Variants in NETO1 observed in about 807,000 individuals in gnomAD.
NETO1 encodes neuropilin and tolloid-like protein 1.
In NETO1, 26 loss-of-function variants were observed where a neutral mutation model predicts 61.3. The observed-to-expected ratio is 0.42, with a 90% CI of 0.31 to 0.59. NETO1 has a LOEUF of 0.59. Ranked by LOEUF, NETO1 falls within the 20% of genes least tolerant of loss-of-function variation. The pLI is 0.12. For synonymous variants in NETO1, 225 were observed against 225.8 expected (o/e 1.00, Z 0.03); for missense variants, 531 against 662.8 (o/e 0.80, Z 2.18).
At chr18:72,817,893 C>A (rs2073075934) in intron 4 of NETO1, among the ~76,000 whole-genome samples, 1 of 152,126 alleles carries the variant, frequency 6.6e-6, no homozygotes, top group African/African-American at 2.4e-5. Flanking sequence ...AGTGAAGACA[C>A]CCATATAGAA....
intron 4 of NETO1, among the ~76,000 whole-genome samples, chr18:72,842,906 A>G (rs2073978800): frequency 6.6e-6 from 1 of 152,230 alleles, no homozygotes; most frequent in Non-Finnish European, 1.5e-5. Context: ...GCATATAATA[A>G]GAGCTCAATA....
intron 4 of NETO1, among the ~76,000 whole-genome samples, chr18:72,848,600 A>G (rs922414758): frequency 2.6e-5 from 4 of 152,204 alleles, no homozygotes; most frequent in African/African-American, 4.8e-5. Context: ...GAAATTCACC[A>G]GTTCCAAGCA....
At chr18:72,866,224 A>C (rs2074728791) in intron 1 of NETO1, among the ~76,000 whole-genome samples, 1 of 152,162 alleles carries the variant, frequency 6.6e-6, no homozygotes, top group Non-Finnish European at 1.5e-5. Context: ...TTCGGGGGAG[A>C]GAACAATTCA....
At chr18:72,831,137 C>T (rs7238194) in intron 4 of NETO1, among the ~76,000 whole-genome samples, 97,336 of 151,956 alleles carry the variant, frequency 0.64, 32,389 homozygotes, top group Non-Finnish European at 0.75. Flanking sequence ...TGCCAGCAAA[C>T]CTACTCAGAT....
Position 72,745,361 on chromosome 18 carries a change from C to T in NETO1, c.*2818G>A, listed in dbSNP as rs1027449149. On this transcript the variant is annotated 3_prime_UTR_variant, in exon 11 of 11. Coordinates refer to ENST00000327305, the MANE Select transcript of NETO1 (RefSeq NM_138966.5). The stretch of plus-strand genomic sequence containing the variant: ...TTAATATGGGGATTCATTGGCATTG[C>T]ATGTGATTATATGCTACCATTATTT... 6.6e-6 allele frequency: 1 copy of T among 152,062 alleles called. No individual in the cohort carries two copies. The highest frequency in any genetic ancestry group is 2.4e-5 in the African/African-American group (1 of 41,408). The allele number at this position is 152,062 out of a possible 1,614,324, so 9.4% of individuals were successfully genotyped here.
intron 7 of NETO1, among the ~76,000 whole-genome samples, chr18:72,758,891 T>C (rs971582993): frequency 3.3e-5 from 5 of 152,046 alleles, no homozygotes; most frequent in African/African-American, 7.2e-5. Flanking sequence ...ATGTATAAAA[T>C]TGTACATACC....
intron 4 of NETO1, among the ~76,000 whole-genome samples, chr18:72,800,751 C>G (rs1372307372): frequency 6.6e-6 from 1 of 152,102 alleles, no homozygotes; most frequent in Non-Finnish European, 1.5e-5. Flanking sequence ...CTATCTAGGA[C>G]CTAGAACAGT....
chr18:72,854,503 A>G (rs2074356226), intron 4 of NETO1, among the ~76,000 whole-genome samples: 1 of 152,198 alleles, frequency 6.6e-6, no homozygotes, highest in South Asian at 2.1e-4. Flanking sequence ...CTGTCATTAA[A>G]GAGACTGGAA....
intron 7 of NETO1, among the ~76,000 whole-genome samples, chr18:72,767,131 A>AG (rs1159999670): frequency 1.3e-5 from 2 of 152,206 alleles, no homozygotes; most frequent in Admixed American, 6.5e-5. Flanking sequence ...AGTCCCACAA[A>AG]GGGGGCCTGC....
chr18:72,778,410 T>A (rs2071629140), intron 7 of NETO1, among the ~76,000 whole-genome samples: 1 of 152,246 alleles, frequency 6.6e-6, no homozygotes, highest in Admixed American at 6.5e-5. Flanking sequence ...CTTCCATTTT[T>A]ATTAATAATT....
At chr18:72,827,256 T>C (rs2073407887) in intron 4 of NETO1, among the ~76,000 whole-genome samples, 1 of 152,164 alleles carries the variant, frequency 6.6e-6, no homozygotes. Context: ...AACTGAGGAC[T>C]TTATGCAACG....
chr18:72,772,793 T>TATCTCTCTCTCTCTC (rs1391807702), intron 7 of NETO1, among the ~76,000 whole-genome samples: 3 of 58,958 alleles, frequency 5.1e-5, no homozygotes, highest in African/African-American at 2.0e-4. Context: ...CTCTATATAG[T>TATCTCTCTCTCTCTC]TCTCTCTCTC....
intron 4 of NETO1, among the ~76,000 whole-genome samples, chr18:72,840,245 T>A (rs1042675145): frequency 3.3e-5 from 5 of 152,166 alleles, no homozygotes; most frequent in Non-Finnish European, 7.3e-5. Context: ...AGACACCAGA[T>A]AAGATTCTGA....
At chr18:72,849,111 A>G (rs559342693) in intron 4 of NETO1, among the ~76,000 whole-genome samples, 1 of 152,344 alleles carries the variant, frequency 6.6e-6, no homozygotes, top group South Asian at 2.1e-4. Context: ...GGATCAGCAA[A>G]AAGTTGTCCA....
At chr18:72,820,165 A>G (rs2073146551) in intron 4 of NETO1, among the ~76,000 whole-genome samples, 1 of 152,232 alleles carries the variant, frequency 6.6e-6, no homozygotes, top group African/African-American at 2.4e-5. Context: ...ACACATGGAG[A>G]GTCCTTTAAT....
At chr18:72,814,798 C>G (rs1242504472) in intron 4 of NETO1, among the ~76,000 whole-genome samples, 2 of 151,966 alleles carry the variant, frequency 1.3e-5, no homozygotes, top group Admixed American at 6.6e-5. Context: ...ATTCAACTCT[C>G]TGAGAGATAC....
chr18:72,766,220 A>ATGTGTG (rs34670401), intron 7 of NETO1, among the ~76,000 whole-genome samples: 121 of 144,760 alleles, frequency 8.4e-4, no homozygotes, highest in East Asian at 6.7e-3. Flanking sequence ...AAAAAAAAAT[A>ATGTGTG]TGTGTGTGTG....
intron 4 of NETO1, among the ~76,000 whole-genome samples, chr18:72,823,537 A>G (rs1044022738): frequency 6.6e-6 from 1 of 152,084 alleles, no homozygotes; most frequent in Admixed American, 6.6e-5. Context: ...ACAAAGGGAC[A>G]TCAGTGAACC....
At chr18:72,826,456 A>G (rs924732361) in intron 4 of NETO1, among the ~76,000 whole-genome samples, 5 of 151,950 alleles carry the variant, frequency 3.3e-5, no homozygotes, top group African/African-American at 1.2e-4. Context: ...GTGTTTTTTT[A>G]AATTGGTAGA....
Sources: allele counts gnomAD v4.1 joint callset (sites outside exome capture counted in the v4.1 genomes callset), GRCh38; gene constraint gnomAD v4.1.1; transcripts MANE v1.5; gene names NCBI Gene and HGNC (gene_info 2026-07-23, HGNC 2026-07-21).